The following DPP6 variants were observed in gnomAD, a reference collection of about 807,000 sequenced individuals.
DPP6 encodes the protein A-type potassium channel modulatory protein DPP6.
Under a neutral mutation model 122.6 loss-of-function variants are expected in DPP6, and 69 were observed. The ratio of observed to expected loss-of-function variants is 0.56; its 90% CI spans 0.46 to 0.69. The LOEUF is 0.69. Among genes scored for constraint, DPP6 ranks in the 30% least tolerant of loss-of-function variants. The pLI is 0.00. For synonymous variants in DPP6, 418 were observed against 433.1 expected, an observed-to-expected ratio of 0.97 and a Z score of 0.43; for missense variants, 928 against 1,116.9, an observed-to-expected ratio of 0.83 and a Z score of 2.41.
the DPP6 span, among the ~76,000 whole-genome samples, chr7:153,877,451 G>A: frequency 2.0e-5 from 3 of 152,064 alleles, no homozygotes; most frequent in African/African-American, 7.2e-5. Context: ...ACAAGCGGTA[G>A]TGCAATAGGT....
At chr7:154,354,336 G>A (rs1442869881) in intron 1 of DPP6, among the ~76,000 whole-genome samples, 1 of 152,126 alleles carries the variant, frequency 6.6e-6, no homozygotes, top group African/African-American at 2.4e-5. Context: ...TGTTTTATAT[G>A]CATTTTACCA....
At chr7:153,822,266 T>C in the DPP6 span, among the ~76,000 whole-genome samples, 7 of 144,988 alleles carry the variant, frequency 4.8e-5, no homozygotes, top group Non-Finnish European at 1.0e-4. Flanking sequence ...CTCAGCTCAC[T>C]GCAAGCTCCA....
At position 154,306,131 on chromosome 7, in the gene DPP6, G is replaced by C. The variant is rs144261774; in HGVS notation, c.244-140083G>C. ...TAGAGAAGCCGAAGGATAGACGGTC[G>C]GGATAAAGGAGGACTCGGCCGAGAA... On this transcript the variant is annotated intron_variant, in intron 1 of 25. Coordinates refer to ENST00000377770, the MANE Select transcript of DPP6 (RefSeq NM_130797.4). 5.8e-3 allele frequency among the ~76,000 whole-genome samples: 885 copies of C among 152,280 alleles called. 5 individuals carry two copies. Among genetic ancestry groups the C allele is most frequent in the Non-Finnish European group, 0.01 (681 of 68,020 alleles).
intron 1 of DPP6, among the ~76,000 whole-genome samples, chr7:154,093,163 C>CCA (rs113157285): frequency 2.0e-5 from 3 of 150,624 alleles, no homozygotes; most frequent in Non-Finnish European, 3.0e-5. Context: ...ATCATACACA[C>CCA]CACACACACA....
the DPP6 span, among the ~76,000 whole-genome samples, chr7:153,770,423 GAT>G: frequency 2.6e-5 from 4 of 151,920 alleles, no homozygotes; most frequent in Non-Finnish European, 5.9e-5. Context: ...CCAAGGTACT[GAT>G]AAATCTGAGG....
At chr7:154,273,250 A>G (rs1386671931) in intron 1 of DPP6, among the ~76,000 whole-genome samples, 2 of 152,154 alleles carry the variant, frequency 1.3e-5, no homozygotes. Context: ...GCCCGACACT[A>G]TGGTGAAGGA....
chr7:153,933,816 A>G (rs954311206), intron 1 of DPP6, among the ~76,000 whole-genome samples: 1 of 151,866 alleles, frequency 6.6e-6, no homozygotes, highest in Admixed American at 6.6e-5. Context: ...TGCAGCCTAC[A>G]CTGTGCCGCA....
intron 8 of DPP6, among the ~76,000 whole-genome samples, chr7:154,732,149 C>T (rs1055311877): frequency 2.0e-5 from 3 of 152,066 alleles, no homozygotes; most frequent in Non-Finnish European, 4.4e-5. Flanking sequence ...CACCATTCTC[C>T]TGCCTCAGCC....
chr7:154,867,904 C>G (rs892752089), intron 17 of DPP6, 91 bp from the exon 18 acceptor site: 4 of 1,430,036 alleles, frequency 2.8e-6, no homozygotes, highest in African/African-American at 1.4e-5. Context: ...CTGATGAAAG[C>G]AGCAGTTACG....
At chr7:153,940,314 G>A (rs1363646441) in intron 1 of DPP6, among the ~76,000 whole-genome samples, 2 of 152,116 alleles carry the variant, frequency 1.3e-5, no homozygotes, top group African/African-American at 4.8e-5. Flanking sequence ...TGAACCCTCC[G>A]TTTTGGCTTT....
Position 154,892,614 on chromosome 7 carries a change from A to T in DPP6, c.*134A>T. ...GTGTTCCATAGCATGTGTGTCTCGGATGCGGAAGGCAGTTTTGCTTGGGAA... is the reference window on the plus strand; with the variant it reads ...GTGTTCCATAGCATGTGTGTCTCGGTTGCGGAAGGCAGTTTTGCTTGGGAA... On this transcript the variant is annotated 3_prime_UTR_variant, in exon 26 of 26. Coordinates refer to ENST00000377770, the MANE Select transcript of DPP6 (RefSeq NM_130797.4). 3 of 1,518,564 alleles carry T rather than the reference A, an allele frequency of 2.0e-6. No individual in the cohort carries two copies. Among genetic ancestry groups the T allele is most frequent in the Middle Eastern group, 2.3e-4 (1 of 4,334 alleles). The allele number at this position is 1,518,564 out of a possible 1,614,324, so 94.1% of individuals were successfully genotyped here.
At chr7:154,448,920 A>C (rs999692598) in intron 2 of DPP6, among the ~76,000 whole-genome samples, 4 of 152,228 alleles carry the variant, frequency 2.6e-5, no homozygotes, top group Non-Finnish European at 5.9e-5. Flanking sequence ...AGATGAACTC[A>C]ATGTGGACCA....
intron 8 of DPP6, among the ~76,000 whole-genome samples, chr7:154,734,294 C>T (rs533389722): frequency 1.6e-4 from 24 of 152,358 alleles, no homozygotes; most frequent in African/African-American, 5.8e-4. Context: ...GTTTTTAAAA[C>T]TCCCTGACAT....
Position 154,703,586 on chromosome 7 carries a change from TCCAGCC to T in DPP6, c.763-24180_763-24175del, listed in dbSNP as rs1315025951. ...TTGAGCCAAGATCATGCCATGGCAC[TCCAGCC>T]TGAGCAACAGTGAGACACTCTGTCT... is the stretch of plus-strand genomic sequence containing the variant. On this transcript the variant is annotated intron_variant, in intron 7 of 25. Transcript: ENST00000377770. 1.2e-4 allele frequency among the ~76,000 whole-genome samples: 17 copies of T among 142,524 alleles called. No individual in the cohort carries two copies. The Middle Eastern group carries it at 0.014, about 115-fold the overall frequency. The allele number at this position is 142,524 out of a possible 152,430, so 93.5% of individuals were successfully genotyped here. A position where few individuals can be genotyped will look rare whatever the true frequency, so the allele number is the denominator to read the frequency against.
At chr7:154,167,827 TA>T (rs1423674482) in intron 1 of DPP6, among the ~76,000 whole-genome samples, 1 of 152,244 alleles carries the variant, frequency 6.6e-6, no homozygotes, top group Non-Finnish European at 1.5e-5. Context: ...CTGCTCAGCA[TA>T]AATGATTTCC....
At chr7:153,947,546 T>C (rs1189383953) in intron 1 of DPP6, among the ~76,000 whole-genome samples, 1 of 152,046 alleles carries the variant, frequency 6.6e-6, no homozygotes, top group African/African-American at 2.4e-5. Context: ...AAGTCCCATG[T>C]GATATGGAAG....
intron 14 of DPP6, 146 bp from the exon 15 acceptor site, chr7:154,804,771 T>G: frequency 5.3e-6 from 6 of 1,123,614 alleles, no homozygotes; most frequent in Non-Finnish European, 7.8e-6. Context: ...TGGTCACAGG[T>G]GTAGCTGGAC....
chr7:154,788,913 C>T (rs558950876), intron 10 of DPP6, among the ~76,000 whole-genome samples: 1 of 152,294 alleles, frequency 6.6e-6, no homozygotes, highest in African/African-American at 2.4e-5. Context: ...TTTTCCTGAC[C>T]CAAATTTTTC....
At chr7:153,905,490 G>A (rs763078130) in intron 1 of DPP6, among the ~76,000 whole-genome samples, 3 of 152,074 alleles carry the variant, frequency 2.0e-5, no homozygotes, top group East Asian at 1.9e-4. Context: ...AAGGTGTTTC[G>A]AAGCGAATGA....
Sources: gnomAD v4.1 joint callset for allele counts (sites outside exome capture counted in the v4.1 genomes callset) on GRCh38, gnomAD v4.1.1 for gene constraint, MANE v1.5 for transcripts, NCBI Gene and HGNC (gene_info 2026-07-23, HGNC 2026-07-21) for gene names.